RAB27A: variants seen among roughly 807,000 people sequenced by gnomAD.
RAB27A encodes ras-related protein Rab-27A.
RAB27A carries 17 observed loss-of-function variants against 20.8 expected under a neutral mutation model. The observed-to-expected ratio is 0.82, with a 90% CI of 0.56 to 1.23. The LOEUF (loss-of-function observed/expected upper bound fraction) is 1.23, where lower values mean the gene tolerates loss of function less well. Ranked by LOEUF, RAB27A falls within the 50% of genes most tolerant of loss-of-function variation. The probability of loss-of-function intolerance (pLI) is 0.00; values close to 1 mark genes in which losing one functional copy is unlikely to be tolerated. For missense variants in RAB27A, 277 were observed against 266.7 expected, an observed-to-expected ratio of 1.04 and a Z score of -0.27; for synonymous variants, 85 against 92.8, an observed-to-expected ratio of 0.92 and a Z score of 0.48.
At chr15:55,252,533 CGGAAGCT>C (rs1359200229) in intron 2 of RAB27A, among the ~76,000 whole-genome samples, 1 of 151,990 alleles carries the variant, frequency 6.6e-6, no homozygotes, top group Non-Finnish European at 1.5e-5. Flanking sequence ...ACCTGGGAGG[CGGAAGCT>C]GCAGTGAGCC....
intron 2 of RAB27A, among the ~76,000 whole-genome samples, chr15:55,246,154 A>C (rs1896677154): frequency 6.6e-6 from 1 of 151,780 alleles, no homozygotes; most frequent in African/African-American, 2.4e-5. Flanking sequence ...ACACCAAAAC[A>C]TACATCATTT....
intron 2 of RAB27A, among the ~76,000 whole-genome samples, chr15:55,265,103 G>A (rs572231916): frequency 6.6e-5 from 10 of 152,168 alleles, no homozygotes; most frequent in African/African-American, 1.2e-4. Flanking sequence ...TTAGCCGGGC[G>A]TGGCGGCGCA....
chr15:55,209,546 G>A (rs1176221458), intron 6 of RAB27A, among the ~76,000 whole-genome samples: 1 of 151,810 alleles, frequency 6.6e-6, no homozygotes, highest in East Asian at 1.9e-4. Flanking sequence ...TCCATTGATG[G>A]GTAGATTGAT....
chr15:55,274,594 A>G (rs1227125257), intron 1 of RAB27A, among the ~76,000 whole-genome samples: 1 of 151,442 alleles, frequency 6.6e-6, no homozygotes, highest in African/African-American at 2.4e-5. Context: ...CCTGACCAAC[A>G]TGGCAAAACC....
At chr15:55,300,679 C>G (rs2054968041) in intron 2 of RAB27A, among the ~76,000 whole-genome samples, 1 of 109,790 alleles carries the variant, frequency 9.1e-6, no homozygotes, top group Non-Finnish European at 1.6e-5. Context: ...AACTCTGTCT[C>G]CAAAAAAAAA....
chr15:55,299,064 T>C (rs1375621661), intron 2 of RAB27A, among the ~76,000 whole-genome samples: 1 of 152,222 alleles, frequency 6.6e-6, no homozygotes, highest in Non-Finnish European at 1.5e-5. Context: ...CCTCCTCAGC[T>C]GACAGGATTA....
At chr15:55,230,350 A>G in intron 4 of RAB27A, 51 bp downstream of exon 4, 1 of 1,503,936 alleles carries the variant, frequency 6.6e-7, no homozygotes, top group Non-Finnish European at 9.3e-7. Flanking sequence ...GAAGAATGTA[A>G]CTATTTTTCC....
At chr15:55,251,245 C>G (rs1017071450) in intron 2 of RAB27A, among the ~76,000 whole-genome samples, 1 of 152,192 alleles carries the variant, frequency 6.6e-6, no homozygotes, top group Admixed American at 6.5e-5. Flanking sequence ...CTTTGGGTGT[C>G]CCTGGTGAGA....
chr15:55,244,338 A>G (rs1408942921), intron 2 of RAB27A, among the ~76,000 whole-genome samples: 1 of 151,898 alleles, frequency 6.6e-6, no homozygotes. Context: ...AACAAACAAA[A>G]CAAAACAAAA....
At chr15:55,289,907 G>GC (rs1340231841), upstream of RAB27A, 1 of 152,016 alleles carries the variant, frequency 6.6e-6, no homozygotes, top group Non-Finnish European at 1.5e-5. Flanking sequence ...CTCGGGAGCG[G>GC]CCCCCGCCCG....
At chr15:55,218,103 C>T (rs920074261) in intron 6 of RAB27A, among the ~76,000 whole-genome samples, 1 of 152,178 alleles carries the variant, frequency 6.6e-6, no homozygotes, top group African/African-American at 2.4e-5. Context: ...GGAATAACAG[C>T]AAGTATGTTT....
At chr15:55,218,419 A>T (rs1895413520) in intron 6 of RAB27A, among the ~76,000 whole-genome samples, 2 of 152,232 alleles carry the variant, frequency 1.3e-5, no homozygotes, top group Non-Finnish European at 2.9e-5. Context: ...TTCTCAAATC[A>T]AGAAAAGATG....
At chr15:55,297,431 G>A (rs2054954390) in intron 2 of RAB27A, among the ~76,000 whole-genome samples, 1 of 152,226 alleles carries the variant, frequency 6.6e-6, no homozygotes, top group South Asian at 2.1e-4. Context: ...CAATTTGTCT[G>A]GGTCTGAGTA....
At chr15:55,300,973 C>A (rs1053175192) in intron 2 of RAB27A, among the ~76,000 whole-genome samples, 3 of 152,124 alleles carry the variant, frequency 2.0e-5, no homozygotes, top group Admixed American at 6.5e-5. Context: ...GACCCAAAGC[C>A]ATTAACCAGG....
intron 2 of RAB27A, among the ~76,000 whole-genome samples, chr15:55,245,226 A>G (rs567938622): frequency 1.4e-4 from 22 of 152,326 alleles, no homozygotes; most frequent in African/African-American, 4.6e-4. Flanking sequence ...CCCCATTTCC[A>G]TAAGTGGAGA....
intron 1 of RAB27A, chr15:55,289,076 T>A (rs922091239): frequency 6.6e-6 from 1 of 152,358 alleles, no homozygotes; most frequent in Non-Finnish European, 1.5e-5. Context: ...GCGGAAAGGC[T>A]GGGAAGGCTC....
chr15:55,294,010 TCAA>T (rs1466142840), upstream of RAB27A, among the ~76,000 whole-genome samples: 1 of 152,168 alleles, frequency 6.6e-6, no homozygotes, highest in African/African-American at 2.4e-5. Context: ...AGCTACAGAT[TCAA>T]CAACATTTTT....
At chr15:55,250,022 C>T (rs1896829040) in intron 2 of RAB27A, among the ~76,000 whole-genome samples, 1 of 152,000 alleles carries the variant, frequency 6.6e-6, no homozygotes, top group Non-Finnish European at 1.5e-5. Context: ...AGTGCAGTGG[C>T]CTGATCTCGG....
In RAB27A at chr15:55,241,600, T is replaced by TTCTATATATATATATATATATATATA. The variant is rs1388634936; in HGVS notation, c.-22-6645_-22-6644insTATATATATATATATATATATATAGA. Among the ~76,000 whole-genome samples, 108 of 123,814 alleles carry TTCTATATATATATATATATATATATA rather than the reference T, an allele frequency of 8.7e-4. 5 individuals carry two copies. The highest frequency in any genetic ancestry group is 4.3e-3 in the African/African-American group (101 of 23,384). The allele number at this position is 123,814 out of a possible 152,430, so 81.2% of individuals were successfully genotyped here. On this transcript the variant is annotated intron_variant, in intron 2 of 6. Transcript: ENST00000336787. ...AGCCCAGGCAACTAGCAAGACCTAT[T>TTCTATATATATATATATATATATATA]TATATATATATATATATATATATAT...
Sources: allele counts gnomAD v4.1 joint callset (sites outside exome capture counted in the v4.1 genomes callset), GRCh38; gene constraint gnomAD v4.1.1; transcripts MANE v1.5; gene names NCBI Gene and HGNC (gene_info 2026-07-23, HGNC 2026-07-21).